Variants in NF2 observed in about 807,000 individuals in gnomAD.
The protein encoded by NF2 is merlin.
NF2 carries 8 observed loss-of-function variants against 83.7 expected under a neutral mutation model. The observed-to-expected ratio is 0.10, with a 90% CI of 0.06 to 0.17. NF2 has a LOEUF of 0.17. Among genes scored for constraint, NF2 ranks in the 10% least tolerant of loss-of-function variants. The probability of loss-of-function intolerance (pLI) is 1.00; values close to 1 mark genes in which losing one functional copy is unlikely to be tolerated. For synonymous variants in NF2, 266 were observed against 269.6 expected, an observed-to-expected ratio of 0.99 and a Z score of 0.13; for missense variants, 533 against 744.4, an observed-to-expected ratio of 0.72 and a Z score of 3.31.
chr22:29,696,624 G>C lies in NF2; in HGVS notation c.*1822G>C. 1 of 213,392 alleles carries C rather than the reference G, an allele frequency of 4.7e-6. No individual in the cohort carries two copies. The highest frequency in any genetic ancestry group is 9.5e-6 in the Non-Finnish European group (1 of 105,364). 13.2% of individuals were successfully genotyped at this position (213,392 alleles called of 1,614,324 possible). On this transcript the variant is annotated 3_prime_UTR_variant, in exon 16 of 16. Transcript: ENST00000338641. ...GCTCGGCAACTGCTTGGGTCACCTT[G>C]CCCCAAGGAAACCAGCCCTGGGTGC...
chr22:29,642,052 T>TAA (rs143701873), intron 3 of NF2, 150 bp from the exon 4 acceptor site: 66 of 585,530 alleles, frequency 1.1e-4, no homozygotes, highest in Admixed American at 1.6e-4. Context: ...TCTGCATCAG[T>TAA]AAAAAAAAAA....
intron 4 of NF2, 25 bp downstream of exon 4, chr22:29,642,310 T>C (rs2146895642): frequency 6.2e-7 from 1 of 1,602,286 alleles, no homozygotes; most frequent in Non-Finnish European, 8.6e-7. Flanking sequence ...GAAAAATGTA[T>C]TTTTCCTGGG....
rs142380707 is a variant in NF2 at position 29,639,105 on chromosome 22, G to A, written c.256G>A (p.Val86Ile). The change falls in exon 3 of 16, where the codon GTT becomes ATT. Residue 86 changes from valine (V) to isoleucine (I), a missense_variant. Physicochemically the swap from Val to Ile is conservative, Grantham distance 29. Transcript: ENST00000338641. Reference protein sequence around the residue: ...KMDKKVLDHDVSKEEPVTFHF... With the variant: ...KMDKKVLDHDISKEEPVTFHF... ...AATTCTGCAGGTACTGGATCATGAT[G>A]TTTCAAAGGAAGAACCAGTCACCTT... 1 of 1,614,120 alleles carries A rather than the reference G, an allele frequency of 6.2e-7. No homozygotes were observed. The highest frequency in any genetic ancestry group is 1.3e-5 in the African/African-American group (1 of 74,934).
intron 7 of NF2, among the ~76,000 whole-genome samples, chr22:29,659,979 G>A (rs1880791796): frequency 6.6e-6 from 1 of 152,214 alleles, no homozygotes; most frequent in Non-Finnish European, 1.5e-5. Flanking sequence ...GATATCTGCT[G>A]TTAGATGGGT....
At chr22:29,692,574 C>G (rs922147570) in intron 15 of NF2, among the ~76,000 whole-genome samples, 1 of 152,208 alleles carries the variant, frequency 6.6e-6, no homozygotes, top group Non-Finnish European at 1.5e-5. Flanking sequence ...AGGAGCCTCT[C>G]AAGGCCCCCA....
chr22:29,636,671 T>C lies in NF2; in HGVS notation c.115-80T>C. The C allele has an allele frequency of 4.4e-6, 7 of 1,593,402 alleles. No homozygotes were observed. The highest frequency in any genetic ancestry group is 6.0e-6 in the Non-Finnish European group (7 of 1,161,754). Reference sequence around the variant, plus strand: ...AGTGTCATCCCCACGTTTTGGAACCTGAGAGTGGAGAGTGCAGAGAAAAGG... The same window carrying C: ...AGTGTCATCCCCACGTTTTGGAACCCGAGAGTGGAGAGTGCAGAGAAAAGG... On this transcript the variant is annotated intron_variant, in intron 1 of 15. Coordinates refer to ENST00000338641, the MANE Select transcript of NF2 (RefSeq NM_000268.4). The surrounding 1 kb of genome is among the most constrained non-coding windows in gnomAD (Gnocchi z 4.4).
chr22:29,608,327 G>C (rs1483338607), intron 1 of NF2, among the ~76,000 whole-genome samples: 1 of 149,552 alleles, frequency 6.7e-6, no homozygotes, highest in Non-Finnish European at 1.5e-5. Flanking sequence ...TGCCTAGGCT[G>C]GAGTGCAGTG....
chr22:29,614,653 A>G (rs1386915816), intron 1 of NF2, among the ~76,000 whole-genome samples: 6 of 151,800 alleles, frequency 4.0e-5, no homozygotes, highest in Admixed American at 3.9e-4. Flanking sequence ...AGGCTGAGGC[A>G]GGAGAATCGC....
At chr22:29,657,609 A>G (rs2066350684) in intron 6 of NF2, among the ~76,000 whole-genome samples, 2 of 152,220 alleles carry the variant, frequency 1.3e-5, no homozygotes, top group African/African-American at 2.4e-5. Flanking sequence ...AAAATATTTC[A>G]GTATGATACC....
At position 29,695,287 on chromosome 22, in the gene NF2, C is replaced by G. The variant is rs1033459848; in HGVS notation, c.*485C>G. The G allele has an allele frequency of 6.9e-6, 2 of 291,032 alleles. No individual in the cohort carries two copies. The highest frequency in any genetic ancestry group is 9.7e-5 in the East Asian group (2 of 20,694). 18.0% of individuals were successfully genotyped at this position (291,032 alleles called of 1,614,324 possible). A position where few individuals can be genotyped will look rare whatever the true frequency, so the allele number is the denominator to read the frequency against. On this transcript the variant is annotated 3_prime_UTR_variant, in exon 16 of 16. Coordinates refer to ENST00000338641, the MANE Select transcript of NF2 (RefSeq NM_000268.4). The surrounding 1 kb of genome is among the most constrained non-coding windows in gnomAD (Gnocchi z 5.4). ...GCGAAGCAGCCCAGCCCGGCGGATC[C>G]CAGGCCAGCACGCCTGCCGGCTTCT...
intron 9 of NF2, among the ~76,000 whole-genome samples, chr22:29,667,081 G>A (rs2066645284): frequency 6.6e-6 from 1 of 152,160 alleles, no homozygotes; most frequent in Admixed American, 6.6e-5. Context: ...TCAAAATTAT[G>A]ACACATTGTT....
At chr22:29,620,666 G>A (rs897362408) in intron 1 of NF2, among the ~76,000 whole-genome samples, 2 of 151,756 alleles carry the variant, frequency 1.3e-5, no homozygotes, top group Non-Finnish European at 2.9e-5. Context: ...CTGAGGTGGA[G>A]GTTGCCTGAG....
At position 29,695,045 on chromosome 22, in the gene NF2, A is replaced by G. The variant is rs1297665295; in HGVS notation, c.*243A>G. Reference sequence around the variant, plus strand: ...GACCTGAGTCTTTGTTTTAAGAAGTATTTGTCTTCCTTTGTCTAATGTGGG... The same window carrying G: ...GACCTGAGTCTTTGTTTTAAGAAGTGTTTGTCTTCCTTTGTCTAATGTGGG... On this transcript the variant is annotated 3_prime_UTR_variant, in exon 16 of 16. Coordinates refer to ENST00000338641, the MANE Select transcript of NF2 (RefSeq NM_000268.4). This position sits in a 1 kb window ranked among gnomAD's most constrained non-coding sequence, Gnocchi z 5.4. 8 of 598,416 alleles carry G rather than the reference A, an allele frequency of 1.3e-5. No homozygotes were observed. In the East Asian group the frequency reaches 2.2e-4, roughly 17 times the overall value. The allele number at this position is 598,416 out of a possible 1,614,324, so 37.1% of individuals were successfully genotyped here. A position where few individuals can be genotyped will look rare whatever the true frequency, so the allele number is the denominator to read the frequency against.
At position 29,671,219 on chromosome 22, in the gene NF2, C is replaced by T. The variant is rs117337944; in HGVS notation, c.1000-607C>T. On this transcript the variant is annotated intron_variant, in intron 10 of 15. Transcript: ENST00000338641. ...AGCAACATTGGCAAGGTAGCCATTT[C>T]AGTGCACCGTGTATAAGAATGCCTC... Among the ~76,000 whole-genome samples, 114 of 152,294 alleles carry T rather than the reference C, an allele frequency of 7.5e-4. 2 individuals are homozygous for T. In the East Asian group the frequency reaches 0.015, roughly 20 times the overall value.
intron 1 of NF2, among the ~76,000 whole-genome samples, chr22:29,624,821 CTTT>C: frequency 7.4e-6 from 1 of 134,762 alleles, no homozygotes; most frequent in Non-Finnish European, 1.6e-5. Flanking sequence ...TTCTTTCTTT[CTTT>C]CTTTCTTTCT....
At chr22:29,644,597 C>T (rs1278483445) in intron 4 of NF2, among the ~76,000 whole-genome samples, 38 of 150,798 alleles carry the variant, frequency 2.5e-4, no homozygotes, top group Non-Finnish European at 8.9e-5. Flanking sequence ...TGTAGCGAGC[C>T]GAGATCACGC....
intron 4 of NF2, among the ~76,000 whole-genome samples, chr22:29,644,925 G>C (rs1052759396): frequency 1.3e-5 from 2 of 151,936 alleles, no homozygotes; most frequent in Non-Finnish European, 2.9e-5. Context: ...GAGAGGGAGA[G>C]GGAGACCATG....
At chr22:29,662,569 G>A (rs2066509344) in intron 8 of NF2, among the ~76,000 whole-genome samples, 1 of 152,232 alleles carries the variant, frequency 6.6e-6, no homozygotes, top group Non-Finnish European at 1.5e-5. Context: ...AAGTGCCGTG[G>A]AAGAGACATG....
At chr22:29,681,638 G>A in intron 15 of NF2, 37 bp downstream of exon 15, 1 of 1,612,910 alleles carries the variant, frequency 6.2e-7, no homozygotes, top group East Asian at 2.2e-5. Flanking sequence ...TGCTGATCAG[G>A]ACCATCATTA....
Sources: allele counts gnomAD v4.1 joint callset (sites outside exome capture counted in the v4.1 genomes callset), GRCh38; gene constraint gnomAD v4.1.1; non-coding constraint Gnocchi (gnomAD v3.1); transcripts MANE v1.5; gene names NCBI Gene and HGNC (gene_info 2026-07-23, HGNC 2026-07-21).